GPN2: variants seen among roughly 807,000 people sequenced by gnomAD.
GPN2 encodes ATP-binding domain 1 family member B.
In GPN2, 27 loss-of-function variants were observed where a neutral mutation model predicts 30.1. The ratio of observed to expected loss-of-function variants is 0.90; its 90% CI spans 0.66 to 1.24. The LOEUF is 1.24. Ranked by LOEUF, GPN2 falls within the 50% of genes most tolerant of loss-of-function variation. The probability of loss-of-function intolerance (pLI) is 0.00; values close to 1 mark genes in which losing one functional copy is unlikely to be tolerated. For synonymous variants in GPN2, 212 were observed against 174.4 expected (o/e 1.22, Z -1.70); for missense variants, 406 against 405.4 (o/e 1.00, Z -0.01).
At chr1:26,881,278 C>G (rs751979636) in intron 4 of GPN2, among the ~76,000 whole-genome samples, 1 of 152,148 alleles carries the variant, frequency 6.6e-6, no homozygotes, top group Non-Finnish European at 1.5e-5. Context: ...AGCTTAGTTT[C>G]GCCTACCTTA....
rs185715474 is a variant in GPN2 at position 26,888,940 on chromosome 1, T to A, written c.568+29A>T. On this transcript the variant is annotated intron_variant, in intron 2 of 4. Coordinates refer to ENST00000374135, the MANE Select transcript of GPN2 (RefSeq NM_018066.4). ...CTTCATTCTAGCCCAGCTGCTGCCCTGCTCTTCGCCTGGAACAGAAGCTCT... is the reference window on the plus strand; with the variant it reads ...CTTCATTCTAGCCCAGCTGCTGCCCAGCTCTTCGCCTGGAACAGAAGCTCT... The A allele has an allele frequency of 4.4e-3, 7,082 of 1,612,194 alleles. 20 individuals are homozygous for A. Among genetic ancestry groups the A allele is most frequent in the Non-Finnish European group, 5.2e-3 (6,115 of 1,178,290 alleles).
rs1482686951 is a variant in GPN2, at chr1:26,877,835, AC to A, written c.*1841del. On this transcript the variant is annotated 3_prime_UTR_variant, in exon 5 of 5. Transcript: ENST00000374135. Reference sequence around the variant, plus strand: ...TAAATCATGAGGTCAGTAGTTCAAGACCAGCCTGAACAACATGGTGAAACCC... The same window carrying A: ...TAAATCATGAGGTCAGTAGTTCAAGACAGCCTGAACAACATGGTGAAACCC... 6.6e-6 allele frequency: 1 copy of A among 152,208 alleles called. No homozygotes were observed. The highest frequency in any genetic ancestry group is 1.5e-5 in the Non-Finnish European group (1 of 68,044). The allele number at this position is 152,208 out of a possible 1,614,324, so 9.4% of individuals were successfully genotyped here.
intron 4 of GPN2, among the ~76,000 whole-genome samples, 165 bp downstream of exon 4, chr1:26,883,995 G>T (rs564923749): frequency 1.3e-5 from 2 of 149,022 alleles, no homozygotes; most frequent in Non-Finnish European, 3.0e-5. Context: ...AGCTGAGATC[G>T]TGCCACTGCA....
chr1:26,885,923 G>A (rs371963094), intron 3 of GPN2, 50 bp downstream of exon 3: 88 of 1,422,216 alleles, frequency 6.2e-5, no homozygotes, highest in Middle Eastern at 2.0e-4. Flanking sequence ...TGTGCTTTTG[G>A]CTTGGTGAAT....
chr1:26,886,074 C>T lies in GPN2; in HGVS notation c.628G>A (p.Ala210Thr), dbSNP rs140397576. The T allele has an allele frequency of 4.3e-6, 7 of 1,613,150 alleles. No individual in the cohort carries two copies. In the African/African-American group the frequency reaches 9.4e-5, roughly 22 times the overall value. Residue 210 changes from alanine (A) to threonine (T), a missense_variant, in exon 3 of 5, where the codon GCT becomes ACT. By Grantham distance (58) the Ala-to-Thr change is moderately conservative. Transcript: ENST00000374135. ...TAGTGGCGGAAGAAAGGGTCAGAAGCCAGGTGGTCAAGCAGGTAGGAGAGG... is the reference window on the plus strand; with the variant it reads ...TAGTGGCGGAAGAAAGGGTCAGAAGTCAGGTGGTCAAGCAGGTAGGAGAGG... ...LDLSYLLDHL[A>T]SDPFFRHYRQ...
intron 4 of GPN2, among the ~76,000 whole-genome samples, chr1:26,883,331 C>G (rs58257165): frequency 0.029 from 4,465 of 152,318 alleles, 217 homozygotes; most frequent in African/African-American, 0.1. Flanking sequence ...ACTCCTGCAT[C>G]TCTCCCGAAT....
rs1481388908 is a variant in GPN2, at chr1:26,876,763, G to A, written c.*2914C>T. The A allele has an allele frequency of 3.9e-5, 6 of 151,948 alleles. No homozygotes were observed. The East Asian group carries it at 5.8e-4, about 15-fold the overall frequency. 9.4% of individuals were successfully genotyped at this position (151,948 alleles called of 1,614,324 possible). ...CCAGTGGAAGGTAGACAGAAGCTAC[G>A]TTTATTGGGGAAGAAAATACCCTTG... is the stretch of plus-strand genomic sequence containing the variant. On this transcript the variant is annotated 3_prime_UTR_variant, in exon 5 of 5. Transcript: ENST00000374135.
rs773757355 is a variant in GPN2 at position 26,885,972 on chromosome 1, C to T, written c.729+1G>A. On this transcript the variant is annotated splice_donor_variant, in intron 3 of 4. Transcript: ENST00000374135. LOFTEE classifies it high-confidence loss of function. ...AAGAGTCCCGTCTTAGCCCCTAGTA[C>T]CTGGATGTTGAGAGGGATAAAGGAG... 1.8e-5 allele frequency: 29 copies of T among 1,608,708 alleles called. No homozygotes were observed. The highest frequency in any genetic ancestry group is 2.5e-5 in the Non-Finnish European group (29 of 1,175,334).
chr1:26,884,057 A>G (rs2081877964), intron 4 of GPN2, 103 bp downstream of exon 4: 1 of 928,454 alleles, frequency 1.1e-6, no homozygotes, highest in Non-Finnish European at 1.6e-6. Context: ...AAAAAAAAAA[A>G]AGAAATTGGT....
chr1:26,887,994 G>A (rs1254201662), intron 2 of GPN2, among the ~76,000 whole-genome samples: 1 of 152,038 alleles, frequency 6.6e-6, no homozygotes, highest in Non-Finnish European at 1.5e-5. Context: ...GAGTAGCTGG[G>A]ATTACAGGCA....
chr1:26,885,209 C>CA (rs1365954088), intron 3 of GPN2, among the ~76,000 whole-genome samples: 2 of 152,086 alleles, frequency 1.3e-5, no homozygotes, highest in Non-Finnish European at 2.9e-5. Flanking sequence ...AGGGAGGAGA[C>CA]AAGTTAGCTC....
Position 26,890,175 on chromosome 1 carries a change from G to A in GPN2, c.-79C>T. ...CCGCGCCGGAGACGAGACTGAGGGCGAGGGTCCCAGTACGTATACCTCGTT... is the reference window on the plus strand; with the variant it reads ...CCGCGCCGGAGACGAGACTGAGGGCAAGGGTCCCAGTACGTATACCTCGTT... On this transcript the variant is annotated 5_prime_UTR_variant, in exon 1 of 5. Transcript: ENST00000374135. The A allele has an allele frequency of 5.6e-6, 7 of 1,256,392 alleles. No individual in the cohort carries two copies. The highest frequency in any genetic ancestry group is 5.2e-4 in the Middle Eastern group (2 of 3,834). 77.8% of individuals were successfully genotyped at this position (1,256,392 alleles called of 1,614,324 possible). A position where few individuals can be genotyped will look rare whatever the true frequency, so the allele number is the denominator to read the frequency against.
At chr1:26,879,809 A>G (rs2124291263) in intron 4 of GPN2, 60 bp from the exon 5 acceptor site, 2 of 1,151,500 alleles carry the variant, frequency 1.7e-6, no homozygotes, top group East Asian at 4.8e-5. Context: ...TGGTCTGGGC[A>G]GGATCTGACT....
chr1:26,888,583 AC>A (rs1339436506), intron 2 of GPN2, among the ~76,000 whole-genome samples: 1 of 152,204 alleles, frequency 6.6e-6, no homozygotes, highest in Non-Finnish European at 1.5e-5. Context: ...CTCAGATGCC[AC>A]TGCTTCAGAG....
At chr1:26,884,980 C>CA (rs1325099001) in intron 3 of GPN2, among the ~76,000 whole-genome samples, 9 of 151,876 alleles carry the variant, frequency 5.9e-5, no homozygotes, top group Admixed American at 1.3e-4. Context: ...GACTCCGTCA[C>CA]AAAAAACAAA....
chr1:26,888,471 A>G (rs2081902701), intron 2 of GPN2, among the ~76,000 whole-genome samples: 2 of 152,162 alleles, frequency 1.3e-5, no homozygotes, highest in Admixed American at 6.5e-5. Context: ...TATTTTTGTG[A>G]TGGCAGCACA....
chr1:26,884,489 T>C (rs748821304), intron 3 of GPN2, among the ~76,000 whole-genome samples, 199 bp from the exon 4 acceptor site: 2 of 152,094 alleles, frequency 1.3e-5, no homozygotes, highest in Non-Finnish European at 2.9e-5. Context: ...ACAGATAAGC[T>C]CCCCTATGCA....
In GPN2 at chr1:26,877,667, C is replaced by T. The variant is rs1165270252; in HGVS notation, c.*2010G>A. ...ACGGGCAATGGCTTATTAATTCTCC[C>T]CATCCTGTCTATCTCTAATGAGGAT... On this transcript the variant is annotated 3_prime_UTR_variant, in exon 5 of 5. Transcript: ENST00000374135. The T allele has an allele frequency of 6.6e-6, 1 of 152,234 alleles. No individual in the cohort carries two copies. Among genetic ancestry groups the T allele is most frequent in the African/African-American group, 2.4e-5 (1 of 41,462 alleles). 9.4% of individuals were successfully genotyped at this position (152,234 alleles called of 1,614,324 possible). A position where few individuals can be genotyped will look rare whatever the true frequency, so the allele number is the denominator to read the frequency against.
chr1:26,887,086 T>C (rs1167852865), intron 2 of GPN2, among the ~76,000 whole-genome samples: 1 of 151,708 alleles, frequency 6.6e-6, no homozygotes, highest in Non-Finnish European at 1.5e-5. Flanking sequence ...GAGCTCATAG[T>C]CAGGTCATAC....
Sources: allele counts gnomAD v4.1 joint callset (sites outside exome capture counted in the v4.1 genomes callset), GRCh38; gene constraint gnomAD v4.1.1; transcripts MANE v1.5; gene names NCBI Gene and HGNC (gene_info 2026-07-23, HGNC 2026-07-21).